The following ANKRD30A variants were observed in gnomAD, a reference collection of about 807,000 sequenced individuals.
ANKRD30A encodes ankyrin repeat domain 30A, also known as ankyrin repeat domain-containing protein 30A.
Under a neutral mutation model 166.3 loss-of-function variants are expected in ANKRD30A, and 170 were observed. The observed-to-expected ratio is 1.02, with a 90% CI of 0.90 to 1.16. The LOEUF is 1.16. ANKRD30A is among the 50% of genes most tolerant of loss of function. The probability of loss-of-function intolerance (pLI) is 0.00; values close to 1 mark genes in which losing one functional copy is unlikely to be tolerated. For missense variants in ANKRD30A, 1,630 were observed against 1,518.0 expected (o/e 1.07, Z -1.23); for synonymous variants, 564 against 508.9 (o/e 1.11, Z -1.46).
intron 5 of ANKRD30A, 74 bp downstream of exon 5, chr10:37,134,127 C>A: frequency 1.3e-6 from 2 of 1,547,926 alleles, no homozygotes; most frequent in South Asian, 1.2e-5. Context: ...ACAGTGAGTT[C>A]ACTTCATCAG....
intron 5 of ANKRD30A, among the ~76,000 whole-genome samples, chr10:37,135,582 C>CA (rs1836630006): frequency 6.6e-6 from 1 of 152,020 alleles, no homozygotes; most frequent in African/African-American, 2.4e-5. Context: ...GTGGAACTTA[C>CA]AAAAAACAGT....
the ANKRD30A span, among the ~76,000 whole-genome samples, chr10:37,258,973 A>C: frequency 6.0e-5 from 9 of 151,112 alleles, no homozygotes; most frequent in East Asian, 1.7e-3. Context: ...AAAAAAAAAA[A>C]AAAAAAAAAA....
At chr10:37,133,640 A>G (rs1836505603) in intron 4 of ANKRD30A, among the ~76,000 whole-genome samples, 1 of 152,176 alleles carries the variant, frequency 6.6e-6, no homozygotes, top group South Asian at 2.1e-4. Flanking sequence ...ATAATTTTTC[A>G]TTTAAATCTT....
intron 34 of ANKRD30A, among the ~76,000 whole-genome samples, chr10:37,225,639 C>T (rs1024717880): frequency 5.3e-5 from 8 of 151,682 alleles, no homozygotes; most frequent in Non-Finnish European, 1.2e-4. Context: ...TTTTTTTGGG[C>T]TTGATTCTAA....
chr10:37,250,462 A>G, the ANKRD30A span, among the ~76,000 whole-genome samples: 1 of 152,084 alleles, frequency 6.6e-6, no homozygotes, highest in African/African-American at 2.4e-5. Context: ...CCAGACTCTG[A>G]CGAGGGGTTC....
intron 15 of ANKRD30A, among the ~76,000 whole-genome samples, chr10:37,162,000 A>T (rs1034757259): frequency 1.3e-5 from 2 of 152,184 alleles, no homozygotes; most frequent in African/African-American, 4.8e-5. Flanking sequence ...TTTTATATAA[A>T]TATGTCAATA....
intron 1 of ANKRD30A, among the ~76,000 whole-genome samples, chr10:37,127,046 CAAAAAAAAAAAAA>C (rs71007622): frequency 6.3e-3 from 103 of 16,478 alleles, no homozygotes; most frequent in East Asian, 0.06. Context: ...AACTCTGTCT[CAAAAAAAAAAAAA>C]AAAAAAAAAA....
At chr10:37,220,702 C>T (rs1430823139) in intron 34 of ANKRD30A, among the ~76,000 whole-genome samples, 1 of 150,980 alleles carries the variant, frequency 6.6e-6, no homozygotes, top group Non-Finnish European at 1.5e-5. Context: ...ATTATCATGT[C>T]CCAGAGAAAG....
At chr10:37,256,416 T>A in the ANKRD30A span, among the ~76,000 whole-genome samples, 6 of 152,116 alleles carry the variant, frequency 3.9e-5, no homozygotes, top group Non-Finnish European at 7.4e-5. Flanking sequence ...ACCACCACAC[T>A]TGGCTAATAT....
chr10:37,194,125 G>C lies in ANKRD30A; in HGVS notation c.2614+867G>C, dbSNP rs531110710. ...GCAGGAGAATGGCTTGAACGTAGGA[G>C]GCAGAAGTTGCATGAGCCGAGCTTG... On this transcript the variant is annotated intron_variant, in intron 27 of 35. Transcript: ENST00000361713. 2.1e-3 allele frequency among the ~76,000 whole-genome samples: 318 copies of C among 152,146 alleles called. 4 individuals carry two copies. The highest frequency in any genetic ancestry group is 7.6e-4 in the Non-Finnish European group (52 of 68,016).
chr10:37,194,943 G>C lies in ANKRD30A; in HGVS notation c.2614+1685G>C, dbSNP rs547821972. Among the ~76,000 whole-genome samples, 203 of 152,214 alleles carry C rather than the reference G, an allele frequency of 1.3e-3. 2 individuals carry two copies. The highest frequency in any genetic ancestry group is 4.8e-3 in the African/African-American group (198 of 41,530). On this transcript the variant is annotated intron_variant, in intron 27 of 35. Transcript: ENST00000361713. ...TATTTAAAATACACGAATTGGAAAA[G>C]TCCTACTTTCCAATATGCATTACAA...
At position 37,125,686 on chromosome 10, in the gene ANKRD30A, C is replaced by G; in HGVS notation, c.-102C>G. 1 of 453,842 alleles carries G rather than the reference C, an allele frequency of 2.2e-6. No homozygotes were observed. Among genetic ancestry groups the G allele is most frequent in the Non-Finnish European group, 3.9e-6 (1 of 258,970 alleles). The allele number at this position is 453,842 out of a possible 1,614,324, so 28.1% of individuals were successfully genotyped here. A position where few individuals can be genotyped will look rare whatever the true frequency, so the allele number is the denominator to read the frequency against. On this transcript the variant is annotated 5_prime_UTR_variant, in exon 1 of 36. Coordinates refer to ENST00000361713, the MANE Select transcript of ANKRD30A (RefSeq NM_052997.3). ...ACTTTTTACGGGTATCGAGGCGGTG[C>G]GTGGACTGAAGAAGGGCGAGGGCGA...
chr10:37,243,497 A>G, the ANKRD30A span, among the ~76,000 whole-genome samples: 1 of 152,052 alleles, frequency 6.6e-6, no homozygotes, highest in Non-Finnish European at 1.5e-5. Flanking sequence ...GCACCCATGC[A>G]GTTCACACTA....
intron 13 of ANKRD30A, among the ~76,000 whole-genome samples, chr10:37,154,247 A>G (rs1467506572): frequency 1.3e-5 from 2 of 152,220 alleles, no homozygotes; most frequent in Non-Finnish European, 2.9e-5. Flanking sequence ...ACACATGTAT[A>G]TAATTTGTCA....
chr10:37,146,962 A>G (rs1837550244), intron 8 of ANKRD30A, among the ~76,000 whole-genome samples: 1 of 150,328 alleles, frequency 6.7e-6, no homozygotes, highest in Non-Finnish European at 1.5e-5. Context: ...AACTACCTCT[A>G]ATATTTTTTC....
At chr10:37,141,587 AAAAAAAGAG>A in intron 6 of ANKRD30A, 122 bp from the exon 7 acceptor site, 1 of 1,310,656 alleles carries the variant, frequency 7.6e-7, no homozygotes, top group Non-Finnish European at 1.0e-6. Context: ...AAAAAAAAAA[AAAAAAAGAG>A]AAAAGAAAAG....
chr10:37,190,382 G>T (rs1364854934), intron 25 of ANKRD30A, among the ~76,000 whole-genome samples: 23 of 151,832 alleles, frequency 1.5e-4, no homozygotes, highest in South Asian at 6.3e-4. Context: ...GGACAGAAAA[G>T]GTCAGGAGAA....
chr10:37,200,529 G>A (rs571535584), intron 30 of ANKRD30A, among the ~76,000 whole-genome samples: 1 of 152,218 alleles, frequency 6.6e-6, no homozygotes, highest in African/African-American at 2.4e-5. Context: ...GGTGGTAACA[G>A]CAAAGGGTGG....
intron 32 of ANKRD30A, among the ~76,000 whole-genome samples, chr10:37,217,334 C>T (rs1038942018): frequency 4.6e-5 from 7 of 151,032 alleles, no homozygotes; most frequent in African/African-American, 1.7e-4. Context: ...TCACTTTAAT[C>T]AGTTAACTCT....
Sources: allele counts gnomAD v4.1 joint callset (sites outside exome capture counted in the v4.1 genomes callset), GRCh38; gene constraint gnomAD v4.1.1; transcripts MANE v1.5; gene names NCBI Gene and HGNC (gene_info 2026-07-23, HGNC 2026-07-21).